The following SCUBE1 variants were observed in gnomAD, a reference collection of about 807,000 sequenced individuals.
SCUBE1 encodes signal peptide, CUB domain and EGF like domain containing 1.
Under a neutral mutation model 124.4 loss-of-function variants are expected in SCUBE1, and 59 were observed. The observed-to-expected ratio is 0.47, with a 90% CI of 0.38 to 0.59. The LOEUF is 0.59. SCUBE1 is among the 20% of genes least tolerant of loss of function. SCUBE1 has a pLI of 0.00. For missense variants in SCUBE1, 1,150 were observed against 1,371.2 expected (o/e 0.84, Z 2.55); for synonymous variants, 545 against 550.9 (o/e 0.99, Z 0.15).
intron 4 of SCUBE1, among the ~76,000 whole-genome samples, chr22:43,264,318 G>A (rs140705636): frequency 6.6e-6 from 1 of 152,352 alleles, no homozygotes; most frequent in African/African-American, 2.4e-5. Context: ...CTGTCTCACA[G>A]AGGAGCTGTG....
chr22:43,217,586 A>G (rs1601803120), intron 15 of SCUBE1, among the ~76,000 whole-genome samples: 3 of 152,184 alleles, frequency 2.0e-5, no homozygotes, highest in African/African-American at 7.2e-5. Flanking sequence ...ATGGCTCCCC[A>G]TCCAACTCAA....
At chr22:43,297,580 C>T (rs1027762846) in intron 3 of SCUBE1, among the ~76,000 whole-genome samples, 4 of 152,228 alleles carry the variant, frequency 2.6e-5, no homozygotes, top group Non-Finnish European at 2.9e-5. Flanking sequence ...TGGTTGTTTT[C>T]CAGCAAGAAG....
At chr22:43,247,498 T>G (rs1293417503) in intron 6 of SCUBE1, among the ~76,000 whole-genome samples, 1 of 152,240 alleles carries the variant, frequency 6.6e-6, no homozygotes, top group South Asian at 2.1e-4. Flanking sequence ...TGACACAGCC[T>G]GGCTGAGCAA....
intron 4 of SCUBE1, among the ~76,000 whole-genome samples, chr22:43,289,413 A>G (rs1925271637): frequency 6.6e-6 from 1 of 152,252 alleles, no homozygotes; most frequent in South Asian, 2.1e-4. Context: ...ACAATGTGAC[A>G]GCAGCAAGTG....
chr22:43,288,018 G>T (rs1925211467), intron 4 of SCUBE1, among the ~76,000 whole-genome samples: 1 of 152,182 alleles, frequency 6.6e-6, no homozygotes, highest in African/African-American at 2.4e-5. Context: ...AAACCCACTG[G>T]AATGCTGCAC....
intron 3 of SCUBE1, 101 bp from the exon 4 acceptor site, chr22:43,291,281 G>A: frequency 7.5e-7 from 1 of 1,324,730 alleles, no homozygotes; most frequent in Non-Finnish European, 1.1e-6. Context: ...TCCTCACATG[G>A]CCCTGAAGGG....
At chr22:43,205,401 G>A (rs1202553542) in intron 21 of SCUBE1, among the ~76,000 whole-genome samples, 2 of 151,978 alleles carry the variant, frequency 1.3e-5, no homozygotes, top group South Asian at 2.1e-4. Context: ...GAGGCCTGGC[G>A]GAGGTCTGGT....
intron 6 of SCUBE1, among the ~76,000 whole-genome samples, chr22:43,241,151 AG>A (rs1368156173): frequency 1.3e-5 from 2 of 152,156 alleles, no homozygotes; most frequent in African/African-American, 4.8e-5. Context: ...TCCACCTGAA[AG>A]GTCACCCGCT....
rs1195205370 is a variant in SCUBE1, at chr22:43,211,067, G to T, written c.2238C>A (p.Gly746=). 1.2e-6 allele frequency: 2 copies of T among 1,612,110 alleles called. No individual in the cohort carries two copies. Among genetic ancestry groups the T allele is most frequent in the South Asian group, 2.2e-5 (2 of 90,840 alleles). The part of the protein sequence containing the change: ...DCEAKVHCSP[G]HHYNTTTHRC... The stretch of plus-strand genomic sequence containing the variant: ...GGTGGGTGGTGGTGTTGTAGTGGTG[G>T]CCGGGGGAGCAGTGCACTGCCGGGG... Residue 746 remains glycine, a synonymous_variant, in exon 18 of 22, where the codon GGC becomes GGA. Transcript: ENST00000360835. This position sits in a 1 kb window ranked among gnomAD's most constrained non-coding sequence, Gnocchi z 4.5.
intron 6 of SCUBE1, among the ~76,000 whole-genome samples, chr22:43,246,896 T>C (rs1164067241): frequency 7.0e-6 from 1 of 142,896 alleles, no homozygotes; most frequent in Non-Finnish European, 1.5e-5. Context: ...AGGGAGTAGC[T>C]GGCACCTGGA....
chr22:43,316,739 G>A (rs570850856), intron 3 of SCUBE1: 2 of 152,436 alleles, frequency 1.3e-5, no homozygotes, highest in East Asian at 3.9e-4. Context: ...AGACCCCTAG[G>A]GAGTTAGCCC....
At chr22:43,304,807 G>C (rs1601876089) in intron 3 of SCUBE1, among the ~76,000 whole-genome samples, 1 of 152,176 alleles carries the variant, frequency 6.6e-6, no homozygotes. Context: ...CCCCCCGCAG[G>C]GGACCCTCCA....
intron 10 of SCUBE1, among the ~76,000 whole-genome samples, chr22:43,226,487 T>C (rs552501478): frequency 5.6e-4 from 85 of 151,994 alleles, no homozygotes; most frequent in African/African-American, 2.0e-3. Context: ...GTGGAGGCCC[T>C]GCGAAGTCAG....
At chr22:43,271,047 G>A (rs1361896494) in intron 4 of SCUBE1, among the ~76,000 whole-genome samples, 1 of 152,172 alleles carries the variant, frequency 6.6e-6, no homozygotes, top group South Asian at 2.1e-4. Flanking sequence ...TTGAGAAGGT[G>A]CTTTCCTCTG....
intron 7 of SCUBE1, chr22:43,237,582 C>T (rs748344084): frequency 9.2e-5 from 14 of 152,306 alleles, no homozygotes; most frequent in African/African-American, 3.4e-4. Flanking sequence ...GAGCGGTGGC[C>T]ACAGAAGGGC....
chr22:43,255,437 C>T lies in SCUBE1; in HGVS notation c.727+2782G>A. On this transcript the variant is annotated intron_variant, in intron 6 of 21. Transcript: ENST00000360835. This position sits in a 1 kb window ranked among gnomAD's most constrained non-coding sequence, Gnocchi z 4.7. ...TGCGCACCCGAGACACACATGTGCA[C>T]ACACACACACAAGTGCAAGTACGAC... 1 of 1,461,254 alleles carries T rather than the reference C, an allele frequency of 6.8e-7. No homozygotes were observed. Among genetic ancestry groups the T allele is most frequent in the Non-Finnish European group, 9.4e-7 (1 of 1,065,792 alleles). The allele number at this position is 1,461,254 out of a possible 1,614,324, so 90.5% of individuals were successfully genotyped here.
intron 3 of SCUBE1, among the ~76,000 whole-genome samples, chr22:43,302,887 G>A (rs985944503): frequency 2.6e-5 from 4 of 152,234 alleles, no homozygotes; most frequent in African/African-American, 4.8e-5. Context: ...GCGCCTCTGC[G>A]CCTACCCAGG....
intron 8 of SCUBE1, 94 bp from the exon 9 acceptor site, chr22:43,229,282 G>T: frequency 1.1e-6 from 1 of 885,496 alleles, no homozygotes; most frequent in Non-Finnish European, 1.9e-6. Context: ...AGGCACATCT[G>T]TGGACACACA....
chr22:43,324,024 A>C (rs1926642693), intron 2 of SCUBE1, among the ~76,000 whole-genome samples: 1 of 152,220 alleles, frequency 6.6e-6, no homozygotes, highest in East Asian at 1.9e-4. Flanking sequence ...TATAAGATGT[A>C]ATCCAACTGG....
Sources: allele counts gnomAD v4.1 joint callset (sites outside exome capture counted in the v4.1 genomes callset), GRCh38; gene constraint gnomAD v4.1.1; non-coding constraint Gnocchi (gnomAD v3.1); transcripts MANE v1.5; gene names NCBI Gene and HGNC (gene_info 2026-07-23, HGNC 2026-07-21).